Variants in KLF8 observed in about 807,000 individuals in gnomAD.
KLF8 encodes Krueppel-like factor 8.
A neutral mutation model predicts 18.2 loss-of-function variants in KLF8; 10 were observed. The observed-to-expected ratio is 0.55, with a 90% confidence interval of 0.34 to 0.93. The LOEUF is 0.93. Among genes scored for constraint, KLF8 ranks in the 40% least tolerant of loss-of-function variants. The pLI, the probability that KLF8 is intolerant of heterozygous loss-of-function variation, is 0.02. For missense variants in KLF8, 264 were observed against 277.9 expected (o/e 0.95, Z 0.36); for synonymous variants, 109 against 97.3 (o/e 1.12, Z -0.71).
chrX:56,163,881 C>T, the KLF8 span, among the ~76,000 whole-genome samples: 1 of 111,765 alleles, frequency 8.9e-6, no homozygotes, highest in African/African-American at 3.2e-5. Flanking sequence ...CCTGTTTTGT[C>T]ATATTTGTCA....
intron 5 of KLF8, among the ~76,000 whole-genome samples, chrX:56,283,591 TC>T: frequency 9.0e-6 from 1 of 111,179 alleles, no homozygotes; most frequent in East Asian, 2.8e-4. Flanking sequence ...CAGGATGTTC[TC>T]AATATACTGA....
At chrX:56,213,152 T>C in the KLF8 span, among the ~76,000 whole-genome samples, 4 of 110,266 alleles carry the variant, frequency 3.6e-5, no homozygotes, top group South Asian at 7.9e-4. Context: ...CTTTATGGTA[T>C]AGTGAAACAT....
the KLF8 span, among the ~76,000 whole-genome samples, chrX:56,081,331 A>G: frequency 8.9e-6 from 1 of 111,739 alleles, no homozygotes; most frequent in Admixed American, 9.5e-5. Flanking sequence ...TTTGGTGTGG[A>G]TGTCCTTTCT....
intron 5 of KLF8, among the ~76,000 whole-genome samples, chrX:56,278,169 G>C (rs2067146763): frequency 9.0e-6 from 1 of 111,729 alleles, no homozygotes; most frequent in Non-Finnish European, 1.9e-5. Flanking sequence ...GGTATCTAAG[G>C]CACAAGACAA....
chrX:56,070,702 G>A, the KLF8 span, among the ~76,000 whole-genome samples: 1 of 111,370 alleles, frequency 9.0e-6, no homozygotes, highest in East Asian at 2.8e-4. Context: ...CAGGTCAATA[G>A]GTGCAGCAAA....
the KLF8 span, among the ~76,000 whole-genome samples, chrX:55,975,605 C>A: frequency 9.0e-6 from 1 of 111,041 alleles, no homozygotes; most frequent in Non-Finnish European, 1.9e-5. Flanking sequence ...TCATGTTTCG[C>A]AAAATAGTGT....
At chrX:56,179,539 T>G in the KLF8 span, among the ~76,000 whole-genome samples, 1 of 111,640 alleles carries the variant, frequency 9.0e-6, no homozygotes, top group Non-Finnish European at 1.9e-5. Flanking sequence ...TGAATAGGAG[T>G]GGTGAAAGAG....
chrX:56,196,554 A>G, the KLF8 span, among the ~76,000 whole-genome samples: 2 of 112,326 alleles, frequency 1.8e-5, no homozygotes, highest in African/African-American at 6.5e-5. Flanking sequence ...TAACTATCCT[A>G]AAGATATGTG....
At chrX:55,926,252 C>A in the KLF8 span, among the ~76,000 whole-genome samples, 1 of 111,331 alleles carries the variant, frequency 9.0e-6, no homozygotes, top group African/African-American at 3.3e-5. Flanking sequence ...TCCTATGATT[C>A]TGAGGAAACT....
chrX:56,033,353 T>A, the KLF8 span, among the ~76,000 whole-genome samples: 4 of 111,964 alleles, frequency 3.6e-5, no homozygotes, highest in African/African-American at 1.3e-4. Flanking sequence ...TGACAGGATT[T>A]TTTTCCTTTT....
At chrX:56,058,345 A>AT in the KLF8 span, among the ~76,000 whole-genome samples, 1 of 44,807 alleles carries the variant, frequency 2.2e-5, no homozygotes, top group African/African-American at 7.0e-5. Context: ...TGTTTGTTTT[A>AT]TTTTTTATAT....
the KLF8 span, among the ~76,000 whole-genome samples, chrX:56,048,582 G>A: frequency 4.5e-5 from 5 of 111,606 alleles, no homozygotes; most frequent in Non-Finnish European, 5.6e-5. Context: ...AGTTGTAGAT[G>A]TGCGGCATTA....
the KLF8 span, among the ~76,000 whole-genome samples, chrX:55,974,540 T>A: frequency 8.9e-6 from 1 of 112,113 alleles, no homozygotes; most frequent in Non-Finnish European, 1.9e-5. Context: ...TTGAATACAC[T>A]GTGTTTGGTC....
the KLF8 span, among the ~76,000 whole-genome samples, chrX:56,203,371 G>T: frequency 4.5e-5 from 5 of 112,127 alleles, no homozygotes; most frequent in African/African-American, 6.5e-5. Context: ...CCCACTCTGT[G>T]GGTCGTTTCT....
the KLF8 span, among the ~76,000 whole-genome samples, chrX:56,159,402 A>C: frequency 8.9e-6 from 1 of 112,627 alleles, no homozygotes; most frequent in Non-Finnish European, 1.9e-5. Context: ...CTGGCCTCAT[A>C]AAATGAGTTA....
chrX:55,988,435 C>T, the KLF8 span, among the ~76,000 whole-genome samples: 1 of 111,939 alleles, frequency 8.9e-6, no homozygotes, highest in Non-Finnish European at 1.9e-5. Context: ...GCCAGTTTTC[C>T]CAGCACCATT....
At chrX:56,168,015 G>A in the KLF8 span, among the ~76,000 whole-genome samples, 7 of 111,724 alleles carry the variant, frequency 6.3e-5, no homozygotes, top group Non-Finnish European at 1.3e-4. Flanking sequence ...TTCCACCAGT[G>A]GAGATTTTTA....
the KLF8 span, among the ~76,000 whole-genome samples, chrX:55,990,564 A>G: frequency 2.7e-5 from 3 of 111,950 alleles, no homozygotes; most frequent in South Asian, 7.5e-4. Flanking sequence ...CCTTTGCAGG[A>G]GGAGAGGCGC....
the KLF8 span, among the ~76,000 whole-genome samples, chrX:56,202,772 G>C: frequency 1.8e-5 from 2 of 110,835 alleles, no homozygotes; most frequent in African/African-American, 6.6e-5. Context: ...TCTTTTTGTG[G>C]CTGAATAATA....
Sources: allele counts gnomAD v4.1 joint callset (sites outside exome capture counted in the v4.1 genomes callset), GRCh38; gene constraint gnomAD v4.1.1; transcripts MANE v1.5; gene names NCBI Gene and HGNC (gene_info 2026-07-23, HGNC 2026-07-21).